The following CMIP variants were observed in gnomAD, a reference collection of about 807,000 sequenced individuals.
CMIP encodes the protein c-Maf inducing protein, also known as C-Maf-inducing protein.
CMIP carries 13 observed loss-of-function variants against 97.3 expected under a neutral mutation model. That is an observed-to-expected ratio of 0.13 (90% confidence interval 0.09 to 0.21). The LOEUF is 0.21. Among genes scored for constraint, CMIP ranks in the 10% least tolerant of loss-of-function variants. The pLI is 1.00. For missense variants in CMIP, 847 were observed against 1,024.9 expected, an observed-to-expected ratio of 0.83 and a Z score of 2.37; for synonymous variants, 538 against 436.3, an observed-to-expected ratio of 1.23 and a Z score of -2.91.
At chr16:81,705,445 AG>A (rs1908022805) in intron 18 of CMIP, 53 bp from the exon 19 acceptor site, 2 of 1,291,832 alleles carry the variant, frequency 1.5e-6, no homozygotes, top group South Asian at 2.6e-5. Context: ...CCAGCCTCAG[AG>A]TCACTTCCCC....
chr16:81,465,639 G>C (rs1167171465), intron 1 of CMIP, among the ~76,000 whole-genome samples: 1 of 152,266 alleles, frequency 6.6e-6, no homozygotes, highest in Non-Finnish European at 1.5e-5. Context: ...AAATTCCCCA[G>C]CGAGCTGACC....
chr16:81,695,170 G>A (rs964592000), intron 13 of CMIP, among the ~76,000 whole-genome samples: 7 of 152,178 alleles, frequency 4.6e-5, no homozygotes, highest in Non-Finnish European at 1.0e-4. Flanking sequence ...CCTGGCCAAG[G>A]TCCCACACCC....
intron 1 of CMIP, among the ~76,000 whole-genome samples, chr16:81,546,609 C>T (rs2090550857): frequency 1.3e-5 from 2 of 152,206 alleles, no homozygotes; most frequent in Non-Finnish European, 2.9e-5. Flanking sequence ...AGTTGTGTGT[C>T]TCCTGCCTGC....
At chr16:81,518,400 C>G (rs771230162) in intron 1 of CMIP, 2 of 152,270 alleles carry the variant, frequency 1.3e-5, no homozygotes, top group East Asian at 1.9e-4. Context: ...AACACCTTCA[C>G]CTGTCTGGGG....
At chr16:81,478,226 C>T (rs1908048561) in intron 1 of CMIP, among the ~76,000 whole-genome samples, 1 of 152,176 alleles carries the variant, frequency 6.6e-6, no homozygotes, top group Non-Finnish European at 1.5e-5. Context: ...CCGGAACAGG[C>T]CATCCTTTGA....
chr16:81,501,831 C>T (rs937838429), intron 1 of CMIP, among the ~76,000 whole-genome samples: 2 of 152,050 alleles, frequency 1.3e-5, no homozygotes, highest in African/African-American at 2.4e-5. Context: ...AAGCTGGTCT[C>T]GAACTCCTGA....
chr16:81,587,585 C>A (rs1163795940), intron 1 of CMIP, among the ~76,000 whole-genome samples: 4 of 152,172 alleles, frequency 2.6e-5, no homozygotes, highest in Non-Finnish European at 5.9e-5. Context: ...AATGAAAAAA[C>A]CAAAGGTGCT....
chr16:81,652,981 T>G lies in CMIP; in HGVS notation c.639+617T>G, dbSNP rs1480547611. Among the ~76,000 whole-genome samples, 3 of 152,260 alleles carry G rather than the reference T, an allele frequency of 2.0e-5. No homozygotes were observed. Among genetic ancestry groups the G allele is most frequent in the East Asian group, 3.9e-4 (2 of 5,176 alleles). On this transcript the variant is annotated intron_variant, in intron 4 of 20. Transcript: ENST00000537098. The surrounding 1 kb of genome is among the most constrained non-coding windows in gnomAD (Gnocchi z 5.2). ...AAGCCCCCTACCCCCCTGGAGCTTG[T>G]GTCCCGGCAGGGGAGACAGGCAGTG... is the stretch of plus-strand genomic sequence containing the variant.
chr16:81,514,919 TG>T (rs1285420216), intron 1 of CMIP, among the ~76,000 whole-genome samples: 1 of 152,122 alleles, frequency 6.6e-6, no homozygotes, highest in Non-Finnish European at 1.5e-5. Flanking sequence ...ACAGACCAAG[TG>T]GGGCGCTGGG....
chr16:81,479,680 A>T (rs115503710), intron 1 of CMIP, among the ~76,000 whole-genome samples: 1 of 152,104 alleles, frequency 6.6e-6, no homozygotes, highest in East Asian at 1.9e-4. Context: ...CATAAAATCA[A>T]CCATTTTAAA....
rs76709923 is a variant in CMIP, at chr16:81,505,350, G to A, written c.300+59809G>A. On this transcript the variant is annotated intron_variant, in intron 1 of 20. Transcript: ENST00000537098. ...TGTGTGGAGGCCATGTTGTTGTTTCGCTTCTGCCTGTTCTTGCTTCCATGT... is the reference window on the plus strand; with the variant it reads ...TGTGTGGAGGCCATGTTGTTGTTTCACTTCTGCCTGTTCTTGCTTCCATGT... 3.3e-3 allele frequency among the ~76,000 whole-genome samples: 508 copies of A among 152,264 alleles called. 5 individuals are homozygous for A. The highest frequency in any genetic ancestry group is 0.012 in the African/African-American group (478 of 41,538).
At chr16:81,474,383 C>T (rs978304382) in intron 1 of CMIP, among the ~76,000 whole-genome samples, 5 of 152,152 alleles carry the variant, frequency 3.3e-5, no homozygotes, top group African/African-American at 9.7e-5. Context: ...CCCTTCCTTT[C>T]TCCGCTCTCT....
intron 14 of CMIP, among the ~76,000 whole-genome samples, chr16:81,698,990 G>A (rs747424949): frequency 6.6e-6 from 1 of 152,182 alleles, no homozygotes; most frequent in Non-Finnish European, 1.5e-5. Context: ...AGTGGCTCAC[G>A]CCTGTAATCC....
intron 17 of CMIP, 47 bp from the exon 18 acceptor site, chr16:81,703,892 G>T (rs770136164): frequency 6.4e-7 from 1 of 1,560,196 alleles, no homozygotes; most frequent in Admixed American, 1.8e-5. Context: ...TCAGGGTCTC[G>T]GGAACTCCCA....
At chr16:81,518,989 C>G (rs1056032460) in intron 1 of CMIP, 14 of 152,322 alleles carry the variant, frequency 9.2e-5, no homozygotes, top group African/African-American at 2.9e-4. Context: ...GCGCCCGCGC[C>G]ACGCCTGGCT....
intron 7 of CMIP, chr16:81,665,003 G>A (rs1390270548): frequency 1.3e-5 from 2 of 152,664 alleles, no homozygotes; most frequent in Non-Finnish European, 2.9e-5. Flanking sequence ...AAAACAAGGA[G>A]ATTCTAAGAA....
intron 9 of CMIP, among the ~76,000 whole-genome samples, chr16:81,672,580 T>C (rs2092692743): frequency 6.6e-6 from 1 of 152,170 alleles, no homozygotes; most frequent in Non-Finnish European, 1.5e-5. Flanking sequence ...GGTTTTATTT[T>C]ATTTTTTTGA....
chr16:81,525,872 C>G (rs2062780761), intron 1 of CMIP, among the ~76,000 whole-genome samples: 1 of 152,204 alleles, frequency 6.6e-6, no homozygotes, highest in Non-Finnish European at 1.5e-5. Flanking sequence ...GAAGATTTGT[C>G]TTTTTGTGAC....
intron 1 of CMIP, among the ~76,000 whole-genome samples, chr16:81,600,345 A>G (rs573489688): frequency 6.6e-6 from 1 of 151,810 alleles, no homozygotes; most frequent in African/African-American, 2.4e-5. Flanking sequence ...GAGACAATCC[A>G]TGTGTCCATC....
Sources: allele counts gnomAD v4.1 joint callset (sites outside exome capture counted in the v4.1 genomes callset), GRCh38; gene constraint gnomAD v4.1.1; non-coding constraint Gnocchi (gnomAD v3.1); transcripts MANE v1.5; gene names NCBI Gene and HGNC (gene_info 2026-07-23, HGNC 2026-07-21).